ARHGAP32: variants seen among roughly 807,000 people sequenced by gnomAD.
ARHGAP32 encodes Rho GTPase activating protein 32.
In ARHGAP32, 51 loss-of-function variants were observed where a neutral mutation model predicts 186.5. That is an observed-to-expected ratio of 0.27 (90% CI 0.22 to 0.35). The LOEUF is 0.35. Ranked by LOEUF, ARHGAP32 falls within the 10% of genes least tolerant of loss-of-function variation. The pLI is 1.00. For synonymous variants in ARHGAP32, 950 were observed against 964.3 expected, an observed-to-expected ratio of 0.99 and a Z score of 0.27; for missense variants, 2,186 against 2,623.5, an observed-to-expected ratio of 0.83 and a Z score of 3.64.
rs1942597310 is a variant in ARHGAP32, at chr11:129,123,997, C to A, written c.318-68G>T. The A allele has an allele frequency of 6.3e-6, 7 of 1,117,468 alleles. No homozygotes were observed. The highest frequency in any genetic ancestry group is 8.3e-6 in the Non-Finnish European group (7 of 845,402). 69.2% of individuals were successfully genotyped at this position (1,117,468 alleles called of 1,614,324 possible). ...TTACACATGAAGCATAACTATCTAA[C>A]TCTACTAAGTGAAAAGATGGTTTTC... On this transcript the variant is annotated intron_variant, in intron 3 of 22. Transcript: ENST00000682385. The surrounding 1 kb of genome is among the most constrained non-coding windows in gnomAD (Gnocchi z 4.6).
At chr11:128,978,297 A>G (rs1323840121) in intron 19 of ARHGAP32, among the ~76,000 whole-genome samples, 1 of 152,228 alleles carries the variant, frequency 6.6e-6, no homozygotes, top group Non-Finnish European at 1.5e-5. Context: ...TATTTTTAAA[A>G]GAGTACTTTT....
chr11:129,165,243 G>T (rs1326630560), intron 1 of ARHGAP32, among the ~76,000 whole-genome samples: 1 of 151,900 alleles, frequency 6.6e-6, no homozygotes, highest in Admixed American at 6.6e-5. Flanking sequence ...CAAATATGTA[G>T]GACAGGATGC....
intron 10 of ARHGAP32, among the ~76,000 whole-genome samples, chr11:129,043,722 T>A (rs1939698019): frequency 6.6e-6 from 1 of 151,308 alleles, no homozygotes; most frequent in Middle Eastern, 3.4e-3. Context: ...ATTGCTTGCA[T>A]ATTTCTTCTC....
chr11:129,089,467 A>C (rs1046518455), intron 6 of ARHGAP32, among the ~76,000 whole-genome samples: 3 of 152,224 alleles, frequency 2.0e-5, no homozygotes, highest in African/African-American at 7.2e-5. Context: ...TAGCAAGAGC[A>C]CAGTGTGAAC....
intron 9 of ARHGAP32, 102 bp downstream of exon 9, chr11:129,063,799 CT>C (rs2135145844): frequency 7.7e-7 from 1 of 1,296,394 alleles, no homozygotes; most frequent in East Asian, 2.5e-5. Context: ...AAACCTGGTG[CT>C]TTTCATTTTT....
chr11:128,997,954 G>GT (rs11342342), intron 12 of ARHGAP32, among the ~76,000 whole-genome samples: 1 of 151,986 alleles, frequency 6.6e-6, no homozygotes, highest in Admixed American at 6.5e-5. Context: ...AACTCTGACA[G>GT]TTTTTTTTCC....
At chr11:128,986,146 T>TTG in intron 14 of ARHGAP32, 61 bp from the exon 15 acceptor site, 2 of 1,315,244 alleles carry the variant, frequency 1.5e-6, no homozygotes, top group Non-Finnish European at 2.1e-6. Flanking sequence ...GAAAGTTCAC[T>TTG]TACAATTCAG....
At chr11:128,999,567 T>G (rs1038274330) in intron 11 of ARHGAP32, among the ~76,000 whole-genome samples, 1 of 152,234 alleles carries the variant, frequency 6.6e-6, no homozygotes, top group African/African-American at 2.4e-5. Flanking sequence ...TAATAAAAAC[T>G]TGCTGGTTTT....
intron 11 of ARHGAP32, among the ~76,000 whole-genome samples, chr11:129,038,102 A>G (rs1204574781): frequency 6.6e-6 from 1 of 152,000 alleles, no homozygotes; most frequent in Non-Finnish European, 1.5e-5. Context: ...CTCTGCCTCA[A>G]AAAAACGAAC....
intron 1 of ARHGAP32, among the ~76,000 whole-genome samples, chr11:129,237,987 G>C (rs1293028227): frequency 6.6e-6 from 1 of 152,136 alleles, no homozygotes; most frequent in Non-Finnish European, 1.5e-5. Flanking sequence ...AACTGAAGAC[G>C]CATTTTGATG....
At chr11:129,209,593 A>G (rs1297993341) in intron 1 of ARHGAP32, among the ~76,000 whole-genome samples, 1 of 151,998 alleles carries the variant, frequency 6.6e-6, no homozygotes, top group Non-Finnish European at 1.5e-5. Flanking sequence ...CTGCAAACGG[A>G]AAACACCCAC....
chr11:129,146,047 G>A (rs147686653), intron 2 of ARHGAP32, among the ~76,000 whole-genome samples: 406 of 152,076 alleles, frequency 2.7e-3, no homozygotes, highest in African/African-American at 9.2e-3. Flanking sequence ...AAAACATTCC[G>A]CTTTTAAAGA....
At chr11:128,982,062 A>C (rs1196972744) in intron 15 of ARHGAP32, 126 bp from the exon 16 acceptor site, 1 of 555,820 alleles carries the variant, frequency 1.8e-6, no homozygotes, top group Non-Finnish European at 3.1e-6. Context: ...CAAACCCAAG[A>C]GAACTTTTTT....
chr11:129,220,087 T>G (rs1944693092), intron 1 of ARHGAP32, among the ~76,000 whole-genome samples: 1 of 152,202 alleles, frequency 6.6e-6, no homozygotes. Context: ...TTTAGAAAAC[T>G]AGATCAGACA....
At chr11:129,193,674 AAT>A (rs1944340646), upstream of ARHGAP32, among the ~76,000 whole-genome samples, 2 of 50,012 alleles carry the variant, frequency 4.0e-5, no homozygotes, top group Non-Finnish European at 7.2e-5. Flanking sequence ...TATTATATAT[AAT>A]ATATAATATA....
At chr11:129,101,948 G>C (rs1941912439) in intron 5 of ARHGAP32, among the ~76,000 whole-genome samples, 1 of 152,130 alleles carries the variant, frequency 6.6e-6, no homozygotes, top group African/African-American at 2.4e-5. Context: ...GTGAAAGGCA[G>C]CTAGAAAGAA....
At chr11:129,040,508 T>C (rs1286349834) in intron 11 of ARHGAP32, among the ~76,000 whole-genome samples, 4 of 152,208 alleles carry the variant, frequency 2.6e-5, no homozygotes, top group Non-Finnish European at 5.9e-5. Context: ...GTATACTGTA[T>C]AAGTAATAAG....
Position 128,974,149 on chromosome 11 carries a change from A to G in ARHGAP32, c.3048T>C (p.Ala1016=), listed in dbSNP as rs1346654751. 6 of 1,614,054 alleles carry G rather than the reference A, an allele frequency of 3.7e-6. No homozygotes were observed. The East Asian group carries it at 8.9e-5, about 24-fold the overall frequency. Residue 1016 remains alanine (A), a synonymous_variant, in exon 21 of 23, where the codon GCT becomes GCC. Coordinates refer to ENST00000682385, the MANE Select transcript of ARHGAP32 (RefSeq NM_001378024.1). ...DQSVSSSQSK[A]VASGQTQTGA... ...CTGTCTGAGTCTGTCCAGAAGCTAC[A>G]GCCTTACTCTGACTGCTTGAGACAG...
At chr11:129,036,040 G>C (rs1939319566) in intron 11 of ARHGAP32, among the ~76,000 whole-genome samples, 1 of 151,954 alleles carries the variant, frequency 6.6e-6, no homozygotes, top group South Asian at 2.1e-4. Flanking sequence ...AATGCTAAAT[G>C]GTTCTGGAGG....
Sources: allele counts gnomAD v4.1 joint callset (sites outside exome capture counted in the v4.1 genomes callset), GRCh38; gene constraint gnomAD v4.1.1; non-coding constraint Gnocchi (gnomAD v3.1); transcripts MANE v1.5; gene names NCBI Gene and HGNC (gene_info 2026-07-23, HGNC 2026-07-21).